The following ABCC1 variants were observed in gnomAD, a reference collection of about 807,000 sequenced individuals.
The protein encoded by ABCC1 is multidrug resistance-associated protein 1.
In ABCC1, 83 loss-of-function variants were observed where a neutral mutation model predicts 172.9. The ratio of observed to expected loss-of-function variants is 0.48; its 90% CI spans 0.40 to 0.58. The LOEUF (loss-of-function observed/expected upper bound fraction) is 0.58. Ranked by LOEUF, ABCC1 falls within the 20% of genes least tolerant of loss-of-function variation. The pLI, the probability that ABCC1 is intolerant of heterozygous loss-of-function variation, is 0.00. For synonymous variants in ABCC1, 937 were observed against 825.2 expected (o/e 1.14, Z -2.32); for missense variants, 1,817 against 2,002.7 (o/e 0.91, Z 1.77).
At chr16:16,044,702 G>A (rs2049130029) in intron 8 of ABCC1, 22 bp downstream of exon 8, 1 of 1,602,600 alleles carries the variant, frequency 6.2e-7, no homozygotes, top group Non-Finnish European at 8.5e-7. Context: ...TCCCTCCCAG[G>A]TGGGCTCCAT....
intron 7 of ABCC1, among the ~76,000 whole-genome samples, chr16:16,042,298 G>T (rs189822918): frequency 6.6e-6 from 1 of 151,848 alleles, no homozygotes; most frequent in East Asian, 1.9e-4. Flanking sequence ...AATGTTCTTA[G>T]CTACTTTGTG....
intron 1 of ABCC1, 72 bp downstream of exon 1, chr16:15,949,871 C>A: frequency 1.7e-6 from 2 of 1,151,472 alleles, no homozygotes; most frequent in Non-Finnish European, 2.2e-6. Context: ...ACCGGGCCCG[C>A]AGCCGCCCGG....
chr16:16,073,679 C>T (rs2050441276), intron 14 of ABCC1, among the ~76,000 whole-genome samples: 1 of 152,114 alleles, frequency 6.6e-6, no homozygotes, highest in Non-Finnish European at 1.5e-5. Flanking sequence ...ATTGGCTGAG[C>T]CCGGGAGTTC....
At chr16:16,002,098 C>T (rs1019746066) in intron 1 of ABCC1, among the ~76,000 whole-genome samples, 1 of 152,168 alleles carries the variant, frequency 6.6e-6, no homozygotes. Context: ...GTAAGAGGAA[C>T]ACCAATGCCA....
intron 16 of ABCC1, among the ~76,000 whole-genome samples, chr16:16,081,056 C>T (rs1325019105): frequency 2.0e-5 from 3 of 152,118 alleles, no homozygotes; most frequent in Non-Finnish European, 4.4e-5. Context: ...TCAGTAAAGA[C>T]GGGATTTTAC....
Position 16,114,764 on chromosome 16 carries a change from A to G in ABCC1, c.3080-2A>G, listed in dbSNP as rs2044775581. 11 of 1,589,206 alleles carry G rather than the reference A, an allele frequency of 6.9e-6. No homozygotes were observed. The highest frequency in any genetic ancestry group is 9.5e-6 in the Non-Finnish European group (11 of 1,162,084). ...TGGAGTTTTAACTCCGAGTGTCTGCAGGGATCGCCGTGTTTGGCTACTCCA... is the reference window on the plus strand; with the variant it reads ...TGGAGTTTTAACTCCGAGTGTCTGCGGGGATCGCCGTGTTTGGCTACTCCA... On this transcript the variant is annotated splice_acceptor_variant, in intron 22 of 30. Transcript: ENST00000399410. LOFTEE classifies it high-confidence loss of function.
chr16:16,027,444 G>A (rs780592661), intron 5 of ABCC1, among the ~76,000 whole-genome samples: 7 of 152,144 alleles, frequency 4.6e-5, no homozygotes, highest in Non-Finnish European at 1.0e-4. Context: ...ATCTGGTATA[G>A]TGGTGTATTG....
At chr16:16,103,528 C>T (rs1415998612) in intron 20 of ABCC1, among the ~76,000 whole-genome samples, 4 of 152,086 alleles carry the variant, frequency 2.6e-5, no homozygotes, top group Admixed American at 6.6e-5. Context: ...TGCAGTGAGC[C>T]GAGATTGCGC....
At chr16:16,125,785 T>C (rs2152120888) in intron 25 of ABCC1, 25 bp from the exon 26 acceptor site, 4 of 1,565,198 alleles carry the variant, frequency 2.6e-6, no homozygotes, top group South Asian at 1.1e-5. Flanking sequence ...ACTCTAGAAA[T>C]GCCACGTGAC....
intron 1 of ABCC1, among the ~76,000 whole-genome samples, chr16:16,003,126 T>G (rs2151697515): frequency 6.6e-6 from 1 of 152,188 alleles, no homozygotes; most frequent in African/African-American, 2.4e-5. Flanking sequence ...ATGGATTGGT[T>G]GGTGGATGGA....
At chr16:16,032,003 T>G (rs2048575725) in intron 5 of ABCC1, among the ~76,000 whole-genome samples, 1 of 152,178 alleles carries the variant, frequency 6.6e-6, no homozygotes, top group Non-Finnish European at 1.5e-5. Context: ...TTTATTTTAT[T>G]TTTATTTTGA....
intron 18 of ABCC1, among the ~76,000 whole-genome samples, chr16:16,088,301 C>G (rs374614935): frequency 1.3e-5 from 2 of 151,984 alleles, no homozygotes; most frequent in African/African-American, 4.8e-5. Context: ...AAAAATCAGC[C>G]GAGTGTGGTG....
intron 23 of ABCC1, among the ~76,000 whole-genome samples, chr16:16,117,703 C>T (rs988651198): frequency 2.0e-5 from 3 of 152,174 alleles, no homozygotes; most frequent in Admixed American, 6.6e-5. Flanking sequence ...GTCAGGAGTT[C>T]GAGAGCAGCC....
chr16:15,997,026 T>C (rs1479595995), intron 1 of ABCC1, among the ~76,000 whole-genome samples: 1 of 151,152 alleles, frequency 6.6e-6, no homozygotes, highest in African/African-American at 2.4e-5. Flanking sequence ...ATCAAGCTGG[T>C]GAAGTGTCCA....
intron 22 of ABCC1, 134 bp from the exon 23 acceptor site, chr16:16,114,632 T>C (rs778482013): frequency 2.2e-6 from 2 of 891,394 alleles, no homozygotes; most frequent in Non-Finnish European, 3.3e-6. Context: ...TGAGCCACCA[T>C]GCCTGGTTCA....
intron 11 of ABCC1, among the ~76,000 whole-genome samples, chr16:16,053,760 G>A (rs1233226572): frequency 1.1e-5 from 1 of 94,996 alleles, no homozygotes; most frequent in African/African-American, 3.9e-5. Flanking sequence ...GCACAACAGA[G>A]TGAGACCCTG....
intron 2 of ABCC1, among the ~76,000 whole-genome samples, chr16:16,008,830 G>A (rs1265248541): frequency 1.3e-4 from 17 of 127,528 alleles, no homozygotes; most frequent in African/African-American, 5.2e-4. Context: ...GCAACAGAGC[G>A]AGACTCCTTC....
intron 1 of ABCC1, among the ~76,000 whole-genome samples, chr16:16,001,040 T>C (rs946731980): frequency 6.6e-6 from 1 of 152,206 alleles, no homozygotes; most frequent in Non-Finnish European, 1.5e-5. Flanking sequence ...CTCCAGTGCC[T>C]GCAACAGTGT....
Position 16,019,308 on chromosome 16 carries a change from T to C in ABCC1, c.615+2687T>C, listed in dbSNP as rs183869960. Among the ~76,000 whole-genome samples the C allele has an allele frequency of 5.6e-3, 853 of 152,258 alleles. 10 individuals are homozygous for C. Among genetic ancestry groups the C allele is most frequent in the African/African-American group, 0.02 (818 of 41,548 alleles). On this transcript the variant is annotated intron_variant, in intron 5 of 30. Coordinates refer to ENST00000399410, the MANE Select transcript of ABCC1 (RefSeq NM_004996.4). ...TAGTAGAGATGGGGCTTCACCATCT[T>C]GGCCCGGCTGGTCTCGAACTCCTGA...
Sources: gnomAD v4.1 joint callset for allele counts (sites outside exome capture counted in the v4.1 genomes callset) on GRCh38, gnomAD v4.1.1 for gene constraint, MANE v1.5 for transcripts, NCBI Gene and HGNC (gene_info 2026-07-23, HGNC 2026-07-21) for gene names.